The following ASIC3 variants were observed in gnomAD, a reference collection of about 807,000 sequenced individuals.
ASIC3 encodes acid-sensing ion channel 3.
ASIC3 carries 46 observed loss-of-function variants against 58.6 expected under a neutral mutation model. The observed-to-expected ratio is 0.79, with a 90% CI of 0.62 to 1.00. ASIC3 has a LOEUF of 1.00. Among genes scored for constraint, ASIC3 ranks in the 50% least tolerant of loss-of-function variants. ASIC3 has a pLI of 0.00. For synonymous variants in ASIC3, 336 were observed against 300.2 expected (o/e 1.12, Z -1.23); for missense variants, 770 against 735.0 (o/e 1.05, Z -0.55).
Position 151,052,614 on chromosome 7 carries a change from G to A in ASIC3, c.1558G>A (p.Ala520Thr), listed in dbSNP as rs138242995. ...PPCAVTKTLS[A>T]SHRTCYLVTQ... ...CTGTGCCGTCACCAAGACTCTCTCCGCCTCCCACCGCACCTGCTACCTTGT... is the reference window on the plus strand; with the variant it reads ...CTGTGCCGTCACCAAGACTCTCTCCACCTCCCACCGCACCTGCTACCTTGT... The change falls in exon 11 of 11, where the codon GCC (alanine) becomes ACC (threonine). Residue 520 changes from alanine (A) to threonine (T), a missense_variant. Transcript: ENST00000349064. The surrounding 1 kb of genome is among the most constrained non-coding windows in gnomAD (Gnocchi z 5.0). The A allele has an allele frequency of 2.0e-5, 33 of 1,612,924 alleles. No homozygotes were observed. In the East Asian group the frequency reaches 3.3e-4, roughly 16 times the overall value.
In ASIC3 at chr7:151,051,183, C is replaced by G; in HGVS notation, c.1078C>G (p.Arg360Gly). ...CAHPAIDAML[R>G]KDSCACPNPC... Reference sequence around the variant, plus strand: ...CCGGTGGCCCGCAGATGCCATGCTTCGCAAGGACTCGTGCGCCTGCCCCAA... The same window carrying G: ...CCGGTGGCCCGCAGATGCCATGCTTGGCAAGGACTCGTGCGCCTGCCCCAA... The change falls in exon 6 of 11, where the codon CGC becomes GGC. Residue 360 changes from arginine (R) to glycine (G), a missense_variant. Physicochemically the swap from Arg to Gly is moderately radical, Grantham distance 125 (BLOSUM62 -2). Transcript: ENST00000349064. 1.3e-6 allele frequency: 2 copies of G among 1,592,770 alleles called. No homozygotes were observed.
rs1391654001 is a variant in ASIC3 at position 151,051,275 on chromosome 7, G to A, written c.1170G>A (p.Ala390=). The stretch of plus-strand genomic sequence containing the variant: ...TGCGGATCCCGAGCCGCGCCGCCGC[G>A]CGCTTCCTGGCCCGGAAGCTCAACC... ...SMVRIPSRAA[A]RFLARKLNRS... The change falls in exon 6 of 11, where the codon GCG becomes GCA. Residue 390 remains alanine, a synonymous_variant. Transcript: ENST00000349064. 6.5e-7 allele frequency: 1 copy of A among 1,527,888 alleles called. No individual in the cohort carries two copies. Among genetic ancestry groups the A allele is most frequent in the Admixed American group, 2.0e-5 (1 of 50,250 alleles). The allele number at this position is 1,527,888 out of a possible 1,614,324, so 94.6% of individuals were successfully genotyped here. A position where few individuals can be genotyped will look rare whatever the true frequency, so the allele number is the denominator to read the frequency against.
chr7:151,049,042 G>A lies in ASIC3; in HGVS notation c.157G>A (p.Val53Met). 6.2e-7 allele frequency: 1 copy of A among 1,613,780 alleles called. No individual in the cohort carries two copies. The highest frequency in any genetic ancestry group is 8.5e-7 in the Non-Finnish European group (1 of 1,179,894). ...GMWAAAVVLS[V>M]ATFLYQVAER... Reference sequence around the variant, plus strand: ...GTGGGCAGCGGCCGTGGTCCTGTCAGTGGCCACCTTCCTCTACCAGGTGGC... The same window carrying A: ...GTGGGCAGCGGCCGTGGTCCTGTCAATGGCCACCTTCCTCTACCAGGTGGC... Residue 53 changes from valine to methionine, a missense_variant, in exon 1 of 11, where the codon GTG (valine) becomes ATG (methionine). Coordinates refer to ENST00000349064, the MANE Select transcript of ASIC3 (RefSeq NM_004769.4).
chr7:151,049,177 C>A lies in ASIC3; in HGVS notation c.292C>A (p.Arg98Ser). 6.2e-7 allele frequency: 1 copy of A among 1,613,670 alleles called. No homozygotes were observed. The highest frequency in any genetic ancestry group is 2.2e-5 in the East Asian group (1 of 44,882). Residue 98 changes from arginine (R) to serine (S), a missense_variant, in exon 1 of 11, where the codon CGC (arginine) becomes AGC (serine). Arg to Ser is a moderately radical substitution (Grantham distance 110, BLOSUM62 -1). Coordinates refer to ENST00000349064, the MANE Select transcript of ASIC3 (RefSeq NM_004769.4). Reference protein sequence around the residue: ...AVTLCNINPLRRSRLTPNDLH... With the variant: ...AVTLCNINPLSRSRLTPNDLH... Reference sequence around the variant, plus strand: ...CACCCTGTGCAACATCAACCCACTGCGCCGCTCGCGCCTAACGCCCAACGA... The same window carrying A: ...CACCCTGTGCAACATCAACCCACTGAGCCGCTCGCGCCTAACGCCCAACGA...
intron 2 of ASIC3, 64 bp from the exon 3 acceptor site, chr7:151,050,417 T>G: frequency 4.4e-6 from 7 of 1,594,464 alleles, no homozygotes; most frequent in Non-Finnish European, 6.0e-6. Context: ...CAGTGAGAGG[T>G]CTTGTCTGGT....
chr7:151,052,618 C>T lies in ASIC3; in HGVS notation c.1562C>T (p.Ser521Phe). 1.2e-6 allele frequency: 2 copies of T among 1,614,114 alleles called. No individual in the cohort carries two copies. Among genetic ancestry groups the T allele is most frequent in the Middle Eastern group, 3.3e-4 (2 of 6,062 alleles). Residue 521 changes from serine (S) to phenylalanine (F), a missense_variant, in exon 11 of 11, where the codon TCC becomes TTC. Physicochemically the swap from Ser to Phe is radical, Grantham distance 155 (BLOSUM62 -2). Transcript: ENST00000349064. The surrounding 1 kb of genome is among the most constrained non-coding windows in gnomAD (Gnocchi z 5.0). ...PCAVTKTLSA[S>F]HRTCYLVTQL The stretch of plus-strand genomic sequence containing the variant: ...GCCGTCACCAAGACTCTCTCCGCCT[C>T]CCACCGCACCTGCTACCTTGTCACA...
chr7:151,051,153 G>A lies in ASIC3; in HGVS notation c.1067-19G>A. On this transcript the variant is annotated intron_variant, in intron 5 of 10. Transcript: ENST00000349064. ...CCCGCTCCGCCCGCGGGCGTCTGAC[G>A]CGGCCCGGTGGCCCGCAGATGCCAT... 3.8e-6 allele frequency: 6 copies of A among 1,596,396 alleles called. No individual in the cohort carries two copies. Among genetic ancestry groups the A allele is most frequent in the Non-Finnish European group, 5.1e-6 (6 of 1,175,586 alleles).
chr7:151,050,133 A>G lies in ASIC3; in HGVS notation c.562A>G (p.Thr188Ala), dbSNP rs745699835. Reference sequence around the variant, plus strand: ...CTTCACCCGGATGGGAAAGTGCTACACATTTAACTCTGGCGCTGATGGGGC... The same window carrying G: ...CTTCACCCGGATGGGAAAGTGCTACGCATTTAACTCTGGCGCTGATGGGGC... Reference protein sequence around the residue: ...TIFTRMGKCYTFNSGADGAEL... With the variant: ...TIFTRMGKCYAFNSGADGAEL... The change falls in exon 2 of 11, where the codon ACA becomes GCA. Residue 188 changes from threonine to alanine, a missense_variant. By Grantham distance (58) the Thr-to-Ala change is moderately conservative (BLOSUM62 0). Coordinates refer to ENST00000349064, the MANE Select transcript of ASIC3 (RefSeq NM_004769.4). 1.2e-6 allele frequency: 2 copies of G among 1,614,066 alleles called. No individual in the cohort carries two copies. Among genetic ancestry groups the G allele is most frequent in the African/African-American group, 2.7e-5 (2 of 74,926 alleles).
At chr7:151,050,013 GAA>G (rs1303835390) in intron 1 of ASIC3, 91 bp from the exon 2 acceptor site, 1 of 1,548,800 alleles carries the variant, frequency 6.5e-7, no homozygotes, top group African/African-American at 1.4e-5. Context: ...AGTATTCAAA[GAA>G]GAGACGCAAA....
At chr7:151,048,495 T>A (rs992312304), upstream of ASIC3, 8 of 197,426 alleles carry the variant, frequency 4.1e-5, no homozygotes, top group Admixed American at 3.9e-4. Context: ...GACTGCTCTG[T>A]CGGCCCCCTT....
At position 151,049,083 on chromosome 7, in the gene ASIC3, C is replaced by T. The variant is rs373729594; in HGVS notation, c.198C>T (p.Tyr66=). 1.2e-5 allele frequency: 20 copies of T among 1,613,786 alleles called. No individual in the cohort carries two copies. The highest frequency in any genetic ancestry group is 5.0e-5 in the Admixed American group (3 of 60,012). The change falls in exon 1 of 11, where the codon TAC becomes TAT. Residue 66 remains tyrosine, a synonymous_variant. Transcript: ENST00000349064. ...FLYQVAERVR[Y]YREFHHQTAL... Reference sequence around the variant, plus strand: ...ACCAGGTGGCTGAGAGGGTGCGCTACTACAGGGAGTTCCACCACCAGACTG... The same window carrying T: ...ACCAGGTGGCTGAGAGGGTGCGCTATTACAGGGAGTTCCACCACCAGACTG...
chr7:151,048,876 G>A lies in ASIC3; in HGVS notation c.-10G>A, dbSNP rs1170656231. ...GCCTCTGTAGCTGGTTCCGCTCCTG[G>A]GTTCTGGCCATGAAGCCCACCTCAG... is the stretch of plus-strand genomic sequence containing the variant. On this transcript the variant is annotated 5_prime_UTR_variant, in exon 1 of 11. Coordinates refer to ENST00000349064, the MANE Select transcript of ASIC3 (RefSeq NM_004769.4). The A allele has an allele frequency of 6.5e-7, 1 of 1,536,218 alleles. No homozygotes were observed. The highest frequency in any genetic ancestry group is 8.8e-7 in the Non-Finnish European group (1 of 1,139,960).
chr7:151,051,925 C>CT, intron 7 of ASIC3, 24 bp downstream of exon 7: 1 of 1,613,298 alleles, frequency 6.2e-7, no homozygotes, highest in Non-Finnish European at 8.5e-7. Flanking sequence ...GCCCCCAGGG[C>CT]TGGGGGGGTG....
chr7:151,049,287 A>ATG lies in ASIC3; in HGVS notation c.402_403insTG (p.Pro135CysfsTer139). The stretch of plus-strand genomic sequence containing the variant: ...TGCGCGCCCTGGGCCGGCCCCCTGC[A>ATG]CCGCCCGGCTTCATGCCCAGTCCCA... On this transcript the variant is annotated frameshift_variant, in exon 1 of 11. Coordinates refer to ENST00000349064, the MANE Select transcript of ASIC3 (RefSeq NM_004769.4). LOFTEE classifies it high-confidence loss of function. 6.2e-7 allele frequency: 1 copy of ATG among 1,612,634 alleles called. No individual in the cohort carries two copies. Among genetic ancestry groups the ATG allele is most frequent in the Non-Finnish European group, 8.5e-7 (1 of 1,179,906 alleles).
rs192297262 is a variant in ASIC3, at chr7:151,049,378, C to A, written c.493C>A (p.Arg165Ser). ...CCTGGATGACATGCTGCTGGACTGTCGCTTCCGTGGCCAACCTTGTGGGCC... is the reference window on the plus strand; with the variant it reads ...CCTGGATGACATGCTGCTGGACTGTAGCTTCCGTGGCCAACCTTGTGGGCC... ...HSLDDMLLDC[R>S]FRGQPCGPEN... Residue 165 changes from arginine to serine, a missense_variant, in exon 1 of 11, where the codon CGC becomes AGC. Coordinates refer to ENST00000349064, the MANE Select transcript of ASIC3 (RefSeq NM_004769.4). The A allele has an allele frequency of 1.2e-6, 2 of 1,605,838 alleles. No individual in the cohort carries two copies. Among genetic ancestry groups the A allele is most frequent in the South Asian group, 1.1e-5 (1 of 90,622 alleles).
rs1796762411 is a variant in ASIC3, at chr7:151,051,062, C to T, written c.1033C>T (p.Gln345Ter). The change falls in exon 5 of 11, where the codon CAG becomes TAG. Residue 345 changes from glutamine to a stop codon, truncating the protein, a stop_gained. Coordinates refer to ENST00000349064, the MANE Select transcript of ASIC3 (RefSeq NM_004769.4). LOFTEE classifies it high-confidence loss of function. ...AGGCGACGTGCCAGTGTGCAGCCCC[C>T]AGCAGTACAAGAACTGTGCCCACCC... is the stretch of plus-strand genomic sequence containing the variant. ...MPGDVPVCSP[Q>*]QYKNCAHPAI... is the part of the protein sequence containing the mutation. 1 of 1,613,308 alleles carries T rather than the reference C, an allele frequency of 6.2e-7. No individual in the cohort carries two copies.
In ASIC3 at chr7:151,052,444, C is replaced by T; in HGVS notation, c.1487C>T (p.Thr496Ile). Reference sequence around the variant, plus strand: ...CAGGAAGGGCTGGGCAGCCATCGAACCCAAGTTCCCCACCTCAGCCTGGGC... The same window carrying T: ...CAGGAAGGGCTGGGCAGCCATCGAATCCAAGTTCCCCACCTCAGCCTGGGC... The part of the protein sequence containing the change: ...LLQEGLGSHR[T>I]QVPHLSLGPR... The change falls in exon 10 of 11, where the codon ACC becomes ATC. Residue 496 changes from threonine to isoleucine, a missense_variant. Transcript: ENST00000349064. This position sits in a 1 kb window ranked among gnomAD's most constrained non-coding sequence, Gnocchi z 5.0. 1.9e-6 allele frequency: 3 copies of T among 1,614,098 alleles called. No homozygotes were observed. The highest frequency in any genetic ancestry group is 1.7e-6 in the Non-Finnish European group (2 of 1,179,982).
chr7:151,052,154 G>C lies in ASIC3; in HGVS notation c.1387-12G>C, dbSNP rs1796798836. On this transcript the variant is annotated splice_polypyrimidine_tract_variant and intron_variant, in intron 8 of 10. Transcript: ENST00000349064. The surrounding 1 kb of genome is among the most constrained non-coding windows in gnomAD (Gnocchi z 5.0). ...GTGTGCACTGGCCACCTCCCATCCT[G>C]CTTGCCTCCAGGTGTTCCGAGACAA... 1 of 1,613,976 alleles carries C rather than the reference G, an allele frequency of 6.2e-7. No homozygotes were observed. The highest frequency in any genetic ancestry group is 1.3e-5 in the African/African-American group (1 of 75,000).
Position 151,052,597 on chromosome 7 carries a change from T to A in ASIC3, c.1541T>A (p.Val514Asp). 1 of 1,613,674 alleles carries A rather than the reference T, an allele frequency of 6.2e-7. No homozygotes were observed. Among genetic ancestry groups the A allele is most frequent in the Non-Finnish European group, 8.5e-7 (1 of 1,179,828 alleles). The change falls in exon 11 of 11, where the codon GTC becomes GAC. Residue 514 changes from valine (V) to aspartate (D), a missense_variant. Physicochemically the swap from Val to Asp is radical, Grantham distance 152. Transcript: ENST00000349064. The surrounding 1 kb of genome is among the most constrained non-coding windows in gnomAD (Gnocchi z 5.0). ...AGACCTCCCACCCCTCCCTGTGCCG[T>A]CACCAAGACTCTCTCCGCCTCCCAC... ...GPRPPTPPCA[V>D]TKTLSASHRT...
Sources: allele counts gnomAD v4.1 joint callset, GRCh38; gene constraint gnomAD v4.1.1; non-coding constraint Gnocchi (gnomAD v3.1); transcripts MANE v1.5; gene names NCBI Gene and HGNC (gene_info 2026-07-23, HGNC 2026-07-21).